Variants in PSKH1 observed in about 807,000 individuals in gnomAD.
The protein encoded by PSKH1 is serine/threonine-protein kinase H1.
In PSKH1, 12 loss-of-function variants were observed where a neutral mutation model predicts 26.7. That is an observed-to-expected ratio of 0.45 (90% confidence interval 0.29 to 0.73). The LOEUF (loss-of-function observed/expected upper bound fraction) is 0.73, where lower values mean the gene tolerates loss of function less well. Among genes scored for constraint, PSKH1 ranks in the 30% least tolerant of loss-of-function variants. PSKH1 has a pLI of 0.11. For missense variants in PSKH1, 431 were observed against 595.2 expected (o/e 0.72, Z 2.87); for synonymous variants, 213 against 234.3 (o/e 0.91, Z 0.83).
At chr16:67,902,111 T>C (rs1385697724) in intron 1 of PSKH1, among the ~76,000 whole-genome samples, 1 of 151,818 alleles carries the variant, frequency 6.6e-6, no homozygotes, top group Non-Finnish European at 1.5e-5. Flanking sequence ...AATACAAAAA[T>C]TAACCAAGCA....
At chr16:67,893,908 C>T (rs2058119155) in intron 1 of PSKH1, among the ~76,000 whole-genome samples, 1 of 152,196 alleles carries the variant, frequency 6.6e-6, no homozygotes, top group South Asian at 2.1e-4. Context: ...CTTAGTCCCC[C>T]TCCATAAAGC....
intron 2 of PSKH1, among the ~76,000 whole-genome samples, chr16:67,919,592 T>G (rs2058196562): frequency 6.6e-6 from 1 of 152,178 alleles, no homozygotes; most frequent in East Asian, 1.9e-4. Context: ...TTCAACAGAT[T>G]AAGTCTCCCT....
intron 1 of PSKH1, among the ~76,000 whole-genome samples, chr16:67,906,278 G>A (rs2058155770): frequency 6.6e-6 from 1 of 151,792 alleles, no homozygotes; most frequent in African/African-American, 2.4e-5. Flanking sequence ...CACCATGTTG[G>A]CCTGGCTGGT....
intron 1 of PSKH1, among the ~76,000 whole-genome samples, chr16:67,901,748 C>T (rs185592792): frequency 8.6e-5 from 13 of 152,000 alleles, no homozygotes; most frequent in African/African-American, 3.1e-4. Flanking sequence ...TATCCTCCAC[C>T]TCAGCTTCCT....
intron 2 of PSKH1, among the ~76,000 whole-genome samples, chr16:67,921,402 C>T (rs150742285): frequency 0.021 from 3,156 of 152,064 alleles, 148 homozygotes; most frequent in East Asian, 0.19. Flanking sequence ...GGTGAAACAC[C>T]GTCTCTACTA....
At chr16:67,908,154 A>G (rs960258955) in intron 1 of PSKH1, among the ~76,000 whole-genome samples, 1 of 152,144 alleles carries the variant, frequency 6.6e-6, no homozygotes, top group Non-Finnish European at 1.5e-5. Flanking sequence ...CAGGGAGATG[A>G]GTCAAAGCCG....
intron 1 of PSKH1, among the ~76,000 whole-genome samples, chr16:67,901,054 G>C (rs558344839): frequency 6.6e-6 from 1 of 152,208 alleles, no homozygotes; most frequent in Admixed American, 6.5e-5. Flanking sequence ...TGGGACTGTG[G>C]AGCAGCTGTG....
chr16:67,908,406 A>T (rs1194033843), intron 1 of PSKH1, among the ~76,000 whole-genome samples: 3 of 152,122 alleles, frequency 2.0e-5, no homozygotes, highest in Non-Finnish European at 4.4e-5. Context: ...AGTAGGTGGG[A>T]TTACAGATGT....
At chr16:67,922,087 C>T (rs564511444) in intron 2 of PSKH1, among the ~76,000 whole-genome samples, 6 of 152,132 alleles carry the variant, frequency 3.9e-5, no homozygotes, top group South Asian at 2.1e-4. Context: ...GCCCCTCACC[C>T]GCCCTCTGCC....
chr16:67,916,493 T>C (rs758787751), intron 2 of PSKH1, among the ~76,000 whole-genome samples: 2 of 152,064 alleles, frequency 1.3e-5, no homozygotes, highest in Middle Eastern at 3.2e-3. Context: ...GAAGGGAGCA[T>C]TGCTGAGTGC....
chr16:67,900,153 G>C (rs1172248883), intron 1 of PSKH1, among the ~76,000 whole-genome samples: 1 of 151,646 alleles, frequency 6.6e-6, no homozygotes, highest in African/African-American at 2.4e-5. Context: ...AGTAGAGATG[G>C]GTTTCACCAT....
At chr16:67,903,639 G>T (rs980601544) in intron 1 of PSKH1, among the ~76,000 whole-genome samples, 5 of 151,902 alleles carry the variant, frequency 3.3e-5, no homozygotes, top group Admixed American at 3.3e-4. Flanking sequence ...ATGTCACATG[G>T]ATGGTCTACA....
At chr16:67,910,380 T>C (rs2151312650) in intron 2 of PSKH1, among the ~76,000 whole-genome samples, 1 of 152,370 alleles carries the variant, frequency 6.6e-6, no homozygotes, top group East Asian at 1.9e-4. Context: ...CAAGCTAGAC[T>C]GAACATGCCC....
rs1372523139 is a variant in PSKH1, at chr16:67,909,992, T to A, written c.957+286T>A. On this transcript the variant is annotated intron_variant, in intron 2 of 2. Coordinates refer to ENST00000291041, the MANE Select transcript of PSKH1 (RefSeq NM_006742.3). This position sits in a 1 kb window ranked among gnomAD's most constrained non-coding sequence, Gnocchi z 7.8. Reference sequence around the variant, plus strand: ...AGGAAGGGAGAAAGTCAGTAGAGTATATTGAGAAATGGACTGCCACTGTGG... The same window carrying A: ...AGGAAGGGAGAAAGTCAGTAGAGTAAATTGAGAAATGGACTGCCACTGTGG... 2.1e-5 allele frequency: 11 copies of A among 531,340 alleles called. No individual in the cohort carries two copies. The highest frequency in any genetic ancestry group is 2.0e-5 in the Non-Finnish European group (6 of 299,424). The allele number at this position is 531,340 out of a possible 1,614,324, so 32.9% of individuals were successfully genotyped here. A position where few individuals can be genotyped will look rare whatever the true frequency, so the allele number is the denominator to read the frequency against.
intron 2 of PSKH1, chr16:67,910,170 C>G (rs2058169596): frequency 4.2e-6 from 1 of 235,376 alleles, no homozygotes; most frequent in Admixed American, 5.0e-5. Context: ...GACACTAAAT[C>G]TCTGGTGCTT....
chr16:67,902,977 C>T (rs1304134443), intron 1 of PSKH1: 1 of 152,108 alleles, frequency 6.6e-6, no homozygotes, highest in Non-Finnish European at 1.5e-5. Flanking sequence ...TATCCTGTGG[C>T]CTCTGCGAAA....
In PSKH1 at chr16:67,927,416, T is replaced by G; in HGVS notation, c.1049T>G (p.Leu350Arg). The G allele has an allele frequency of 6.2e-7, 1 of 1,614,212 alleles. No homozygotes were observed. The highest frequency in any genetic ancestry group is 8.5e-7 in the Non-Finnish European group (1 of 1,180,036). Residue 350 changes from leucine to arginine, a missense_variant, in exon 3 of 3, where the codon CTG becomes CGG. Transcript: ENST00000291041. The surrounding 1 kb of genome is among the most constrained non-coding windows in gnomAD (Gnocchi z 5.5). ...GCCCGTATGACTGCACTGCAGGCCC[T>G]GAGGCACCCGTGGGTGGTGAGCATG... ...PGARMTALQA[L>R]RHPWVVSMAA...
chr16:67,896,708 A>G (rs1047369381), intron 1 of PSKH1, among the ~76,000 whole-genome samples: 2 of 152,126 alleles, frequency 1.3e-5, no homozygotes, highest in East Asian at 1.9e-4. Context: ...TCAGTTGGCC[A>G]TACCCCTAGA....
intron 2 of PSKH1, among the ~76,000 whole-genome samples, chr16:67,913,521 A>G (rs1367066775): frequency 2.6e-5 from 4 of 152,094 alleles, no homozygotes; most frequent in South Asian, 2.1e-4. Context: ...CTATAAAAGC[A>G]TGCCAGGTTG....
Sources: allele counts gnomAD v4.1 joint callset (sites outside exome capture counted in the v4.1 genomes callset), GRCh38; gene constraint gnomAD v4.1.1; non-coding constraint Gnocchi (gnomAD v3.1); transcripts MANE v1.5; gene names NCBI Gene and HGNC (gene_info 2026-07-23, HGNC 2026-07-21).